Variants in NCK2 observed in about 807,000 individuals in gnomAD.
NCK2 encodes cytoplasmic protein NCK2.
NCK2 carries 16 observed loss-of-function variants against 33.9 expected under a neutral mutation model. That is an observed-to-expected ratio of 0.47 (90% CI 0.32 to 0.72). The LOEUF (loss-of-function observed/expected upper bound fraction) is 0.72. NCK2 is among the 30% of genes least tolerant of loss of function. The pLI is 0.03. For missense variants in NCK2, 418 were observed against 537.3 expected (o/e 0.78, Z 2.19); for synonymous variants, 273 against 239.9 (o/e 1.14, Z -1.27).
intron 4 of NCK2, among the ~76,000 whole-genome samples, chr2:105,891,797 T>C (rs1678998196): frequency 1.3e-5 from 2 of 152,092 alleles, no homozygotes; most frequent in Non-Finnish European, 2.9e-5. Context: ...TCCACCTGCC[T>C]TGGCCTCCCA....
intron 1 of NCK2, among the ~76,000 whole-genome samples, chr2:105,800,949 T>C (rs1257344664): frequency 6.6e-6 from 1 of 152,058 alleles, no homozygotes; most frequent in Non-Finnish European, 1.5e-5. Context: ...TGAGGGGTCT[T>C]GAAGGAGAGG....
At chr2:105,886,791 A>T (rs965254964) in intron 4 of NCK2, among the ~76,000 whole-genome samples, 1 of 152,234 alleles carries the variant, frequency 6.6e-6, no homozygotes, top group African/African-American at 2.4e-5. Context: ...GGCTAACCAC[A>T]CACATGCATA....
intron 4 of NCK2, among the ~76,000 whole-genome samples, chr2:105,885,735 T>C (rs1678694306): frequency 6.6e-6 from 1 of 152,192 alleles, no homozygotes. Flanking sequence ...TCTTAGTGGT[T>C]TTATATATTC....
At chr2:105,836,540 T>G (rs777077157) in intron 2 of NCK2, among the ~76,000 whole-genome samples, 12 of 152,126 alleles carry the variant, frequency 7.9e-5, no homozygotes, top group Non-Finnish European at 1.6e-4. Flanking sequence ...AGCAAAGTTG[T>G]TGGTGGAGGT....
At chr2:105,892,792 G>T (rs1679042052) in intron 4 of NCK2, among the ~76,000 whole-genome samples, 190 bp from the exon 5 acceptor site, 2 of 150,872 alleles carry the variant, frequency 1.3e-5, no homozygotes, top group Admixed American at 1.3e-4. Flanking sequence ...GTTGCAGTGA[G>T]CCGAGATTGG....
Position 105,881,464 on chromosome 2 carries a change from C to G in NCK2, c.363C>G (p.Ala121=), listed in dbSNP as rs774422971. The G allele has an allele frequency of 6.2e-7, 1 of 1,613,874 alleles. No individual in the cohort carries two copies. The highest frequency in any genetic ancestry group is 1.6e-4 in the Middle Eastern group (1 of 6,062). Residue 121 remains alanine (A), a synonymous_variant, in exon 4 of 5, where the codon GCC becomes GCG. Transcript: ENST00000233154. The part of the protein sequence containing the change: ...DLNIPAFVKF[A]YVAEREDELS... The stretch of plus-strand genomic sequence containing the variant: ...ACATCCCGGCCTTCGTCAAGTTCGC[C>G]TATGTGGCCGAGCGGGAGGATGAGT...
At chr2:105,886,988 A>G (rs1370760144) in intron 4 of NCK2, among the ~76,000 whole-genome samples, 1 of 152,240 alleles carries the variant, frequency 6.6e-6, no homozygotes, top group Non-Finnish European at 1.5e-5. Flanking sequence ...AATATTTTAT[A>G]GAGTGAACAT....
intron 2 of NCK2, among the ~76,000 whole-genome samples, chr2:105,834,057 A>G (rs6760834): frequency 0.013 from 2,017 of 152,342 alleles, 46 homozygotes; most frequent in African/African-American, 0.046. Context: ...TTATGACCAA[A>G]CATACTGTAA....
At chr2:105,750,369 T>A (rs886428894) in intron 1 of NCK2, among the ~76,000 whole-genome samples, 1 of 152,206 alleles carries the variant, frequency 6.6e-6, no homozygotes, top group Non-Finnish European at 1.5e-5. Context: ...TCCTGAAGCG[T>A]CCTGTCTCCA....
At chr2:105,880,426 A>G (rs980803714) in intron 3 of NCK2, among the ~76,000 whole-genome samples, 4 of 152,188 alleles carry the variant, frequency 2.6e-5, no homozygotes, top group Non-Finnish European at 5.9e-5. Flanking sequence ...GAAGAGAAGG[A>G]TTGTAAGAAG....
At chr2:105,880,026 CTG>C (rs1678407740) in intron 3 of NCK2, among the ~76,000 whole-genome samples, 1 of 152,192 alleles carries the variant, frequency 6.6e-6, no homozygotes, top group South Asian at 2.1e-4. Flanking sequence ...GTCCCCAGCT[CTG>C]GGGCTGACAT....
At chr2:105,807,747 T>TTCCCTCCCTCCCTTCTC (rs1675113054) in intron 1 of NCK2, among the ~76,000 whole-genome samples, 8 of 24,398 alleles carry the variant, frequency 3.3e-4, no homozygotes, top group East Asian at 1.5e-3. Flanking sequence ...CCTTCCTTCC[T>TTCCCTCCCTCCCTTCTC]TCCCTCCCTC....
At chr2:105,809,257 G>A (rs1349188498) in intron 1 of NCK2, among the ~76,000 whole-genome samples, 2 of 152,126 alleles carry the variant, frequency 1.3e-5, no homozygotes, top group African/African-American at 2.4e-5. Flanking sequence ...TTCCTGTTGC[G>A]TGTGTCATAT....
chr2:105,821,302 T>C (rs1430236176), intron 2 of NCK2, among the ~76,000 whole-genome samples: 3 of 152,200 alleles, frequency 2.0e-5, no homozygotes, highest in Non-Finnish European at 4.4e-5. Context: ...TGCTCAGTCA[T>C]TAAGATTTTA....
At chr2:105,823,022 CCA>C (rs1247053430) in intron 2 of NCK2, among the ~76,000 whole-genome samples, 1 of 151,870 alleles carries the variant, frequency 6.6e-6, no homozygotes, top group Non-Finnish European at 1.5e-5. Context: ...AATAAACAGG[CCA>C]CACAGAGCTT....
At chr2:105,796,492 A>G (rs370419530) in intron 1 of NCK2, among the ~76,000 whole-genome samples, 1 of 152,186 alleles carries the variant, frequency 6.6e-6, no homozygotes, top group African/African-American at 2.4e-5. Context: ...CAGGGAGCAC[A>G]TGGGGTATTA....
intron 1 of NCK2, among the ~76,000 whole-genome samples, chr2:105,794,196 C>T (rs1690996089): frequency 6.6e-6 from 1 of 151,856 alleles, no homozygotes; most frequent in Admixed American, 6.6e-5. Flanking sequence ...TTACAGGCGC[C>T]TGCCACCACG....
intron 1 of NCK2, among the ~76,000 whole-genome samples, chr2:105,751,716 T>C (rs924666681): frequency 6.6e-6 from 1 of 152,206 alleles, no homozygotes; most frequent in Non-Finnish European, 1.5e-5. Flanking sequence ...CAGCTTTGCA[T>C]GGAACTGAGC....
chr2:105,788,509 T>G (rs554498107), intron 1 of NCK2, among the ~76,000 whole-genome samples: 1 of 152,182 alleles, frequency 6.6e-6, no homozygotes, highest in Non-Finnish European at 1.5e-5. Context: ...CTCCATCTCC[T>G]CTTGAACAAG....
Sources: allele counts gnomAD v4.1 joint callset (sites outside exome capture counted in the v4.1 genomes callset), GRCh38; gene constraint gnomAD v4.1.1; transcripts MANE v1.5; gene names NCBI Gene and HGNC (gene_info 2026-07-23, HGNC 2026-07-21).